The following TBC1D14 variants were observed in gnomAD, a reference collection of about 807,000 sequenced individuals.
TBC1D14 encodes the protein TBC1 domain family, member 14.
In TBC1D14, 26 loss-of-function variants were observed where a neutral mutation model predicts 79.0. That is an observed-to-expected ratio of 0.33 (90% CI 0.24 to 0.46). The LOEUF (loss-of-function observed/expected upper bound fraction) is 0.46, where lower values mean the gene tolerates loss of function less well. Ranked by LOEUF, TBC1D14 falls within the 20% of genes least tolerant of loss-of-function variation. The pLI, the probability that TBC1D14 is intolerant of heterozygous loss-of-function variation, is 1.00. For missense variants in TBC1D14, 769 were observed against 887.6 expected, an observed-to-expected ratio of 0.87 and a Z score of 1.70; for synonymous variants, 394 against 349.9, an observed-to-expected ratio of 1.13 and a Z score of -1.40.
chr4:6,909,767 C>T (rs1325949349), upstream of TBC1D14: 10 of 139,772 alleles, frequency 7.2e-5, no homozygotes, highest in African/African-American at 2.4e-4. Context: ...AGGGGGCGGG[C>T]GAGGGGGCGG....
chr4:6,922,542 A>G (rs1388796834), intron 1 of TBC1D14, among the ~76,000 whole-genome samples: 3 of 152,176 alleles, frequency 2.0e-5, no homozygotes, highest in Admixed American at 6.5e-5. Flanking sequence ...CGTAGATGTG[A>G]GTAAGCGTGA....
intron 2 of TBC1D14, among the ~76,000 whole-genome samples, chr4:6,938,252 G>T (rs1712540096): frequency 6.6e-6 from 1 of 152,174 alleles, no homozygotes; most frequent in Non-Finnish European, 1.5e-5. Flanking sequence ...CCCTCTTCTG[G>T]GGGCTGCCTG....
intron 9 of TBC1D14, among the ~76,000 whole-genome samples, chr4:7,007,133 T>G (rs2109232430): frequency 6.6e-6 from 1 of 152,300 alleles, no homozygotes; most frequent in East Asian, 1.9e-4. Flanking sequence ...ATGAGCCCAG[T>G]GCAGTGAGCC....
At position 6,994,197 on chromosome 4, in the gene TBC1D14, A is replaced by C. The variant is rs1718781244; in HGVS notation, c.857A>C (p.Lys286Thr). 1.9e-6 allele frequency: 3 copies of C among 1,614,060 alleles called. No individual in the cohort carries two copies. The highest frequency in any genetic ancestry group is 1.3e-5 in the African/African-American group (1 of 74,944). Reference sequence around the variant, plus strand: ...TCTTTGTCCTAGGAATATGAAGACAAGGCTGGAAGACCTAGCAAGCCACCC... The same window carrying C: ...TCTTTGTCCTAGGAATATGAAGACACGGCTGGAAGACCTAGCAAGCCACCC... ...SKRIQKEYED[K>T]AGRPSKPPSP... The change falls in exon 4 of 14, where the codon AAG (lysine) becomes ACG (threonine). Residue 286 changes from lysine to threonine, a missense_variant. Transcript: ENST00000409757.
intron 2 of TBC1D14, among the ~76,000 whole-genome samples, chr4:6,966,124 C>T (rs572004553): frequency 1.3e-5 from 2 of 152,092 alleles, no homozygotes; most frequent in African/African-American, 4.8e-5. Flanking sequence ...AGTTATAATC[C>T]ATTGTTCTCA....
At chr4:6,990,208 G>A (rs1263092874) in intron 3 of TBC1D14, among the ~76,000 whole-genome samples, 4 of 152,194 alleles carry the variant, frequency 2.6e-5, no homozygotes, top group Non-Finnish European at 5.9e-5. Context: ...CCAGCACTTT[G>A]GAGGCTGAGG....
At chr4:6,912,652 T>C (rs562170317) in intron 1 of TBC1D14, among the ~76,000 whole-genome samples, 1 of 152,290 alleles carries the variant, frequency 6.6e-6, no homozygotes, top group Non-Finnish European at 1.5e-5. Context: ...ATGCAACTGG[T>C]TGCTAAAATA....
intron 9 of TBC1D14, among the ~76,000 whole-genome samples, chr4:7,008,164 A>C (rs556088238): frequency 3.3e-5 from 5 of 152,318 alleles, no homozygotes; most frequent in African/African-American, 1.2e-4. Context: ...AAGACAACTA[A>C]ATCCAACCAG....
At chr4:6,938,038 G>T (rs555542689) in intron 2 of TBC1D14, among the ~76,000 whole-genome samples, 2 of 152,140 alleles carry the variant, frequency 1.3e-5, no homozygotes, top group Admixed American at 1.3e-4. Flanking sequence ...CACTCCTCCC[G>T]GGTGCTGGGT....
intron 3 of TBC1D14, among the ~76,000 whole-genome samples, chr4:6,972,618 G>C (rs1716322445): frequency 6.6e-6 from 1 of 152,166 alleles, no homozygotes; most frequent in Non-Finnish European, 1.5e-5. Context: ...GTTCTGCTTT[G>C]TTGAGGCTTT....
intron 2 of TBC1D14, among the ~76,000 whole-genome samples, chr4:6,958,376 T>TATACACACACACACACTCACACAC (rs538972596): frequency 6.7e-6 from 1 of 149,112 alleles, no homozygotes. Flanking sequence ...TCCCCACATA[T>TATACACACACACACACTCACACAC]ACACACACAC....
At chr4:6,928,313 C>G (rs1724446157) in intron 2 of TBC1D14, among the ~76,000 whole-genome samples, 1 of 152,174 alleles carries the variant, frequency 6.6e-6, no homozygotes, top group African/African-American at 2.4e-5. Flanking sequence ...CCCGACCTGG[C>G]TGGGAGCTCC....
intron 7 of TBC1D14, 41 bp downstream of exon 7, chr4:7,001,292 C>T (rs947147557): frequency 1.3e-6 from 2 of 1,523,776 alleles, no homozygotes; most frequent in African/African-American, 2.7e-5. Context: ...ACCTCCAGGC[C>T]CTTTGGCTTC....
At chr4:7,003,295 G>C (rs563986833) in intron 7 of TBC1D14, among the ~76,000 whole-genome samples, 1 of 152,196 alleles carries the variant, frequency 6.6e-6, no homozygotes, top group South Asian at 2.1e-4. Flanking sequence ...AATGTCAAAT[G>C]CCTTAGTTGG....
intron 2 of TBC1D14, among the ~76,000 whole-genome samples, chr4:6,930,798 CAAA>C (rs35354700): frequency 1.4e-5 from 2 of 139,284 alleles, no homozygotes; most frequent in Non-Finnish European, 1.6e-5. Context: ...ACTCCATCTC[CAAA>C]AAAAAAAAAA....
At chr4:6,996,193 CT>C in intron 4 of TBC1D14, 131 bp from the exon 5 acceptor site, 1 of 678,118 alleles carries the variant, frequency 1.5e-6, no homozygotes, top group East Asian at 2.9e-5. Flanking sequence ...TGTGAAAGAA[CT>C]GTGTAATCTT....
intron 2 of TBC1D14, among the ~76,000 whole-genome samples, chr4:6,931,253 C>G (rs1458418279): frequency 6.6e-6 from 1 of 152,186 alleles, no homozygotes; most frequent in Non-Finnish European, 1.5e-5. Context: ...GGATTAAATT[C>G]CCTGGTTGTG....
At chr4:6,983,649 A>G (rs1024081718) in intron 3 of TBC1D14, among the ~76,000 whole-genome samples, 2 of 152,238 alleles carry the variant, frequency 1.3e-5, no homozygotes, top group Non-Finnish European at 2.9e-5. Context: ...TTAGAGAAGC[A>G]GCAGGTTAAT....
intron 1 of TBC1D14, among the ~76,000 whole-genome samples, chr4:6,917,743 C>T (rs1046418070): frequency 1.2e-4 from 18 of 152,110 alleles, no homozygotes; most frequent in African/African-American, 4.1e-4. Context: ...TGCAGTTGGT[C>T]GGTCTCCTGG....
Sources: allele counts gnomAD v4.1 joint callset (sites outside exome capture counted in the v4.1 genomes callset), GRCh38; gene constraint gnomAD v4.1.1; transcripts MANE v1.5; gene names NCBI Gene and HGNC (gene_info 2026-07-23, HGNC 2026-07-21).